TMEM178B: variants seen among roughly 807,000 people sequenced by gnomAD.
TMEM178B encodes the protein transmembrane protein 178B.
A neutral mutation model predicts 31.0 loss-of-function variants in TMEM178B; 5 were observed. That is an observed-to-expected ratio of 0.16 (90% confidence interval 0.08 to 0.34). The LOEUF (loss-of-function observed/expected upper bound fraction) is 0.34, where lower values mean the gene tolerates loss of function less well. TMEM178B is among the 10% of genes least tolerant of loss of function. TMEM178B has a pLI of 1.00. For missense variants in TMEM178B, 275 were observed against 400.3 expected (o/e 0.69, Z 2.67); for synonymous variants, 164 against 164.0 (o/e 1.00, Z 0.00).
intron 2 of TMEM178B, among the ~76,000 whole-genome samples, chr7:141,396,107 C>A (rs1280682556): frequency 1.3e-5 from 2 of 152,128 alleles, no homozygotes; most frequent in African/African-American, 4.8e-5. Context: ...CTCACCAGCT[C>A]TCTCAGAGAG....
intron 2 of TMEM178B, among the ~76,000 whole-genome samples, chr7:141,433,214 G>A (rs1232084888): frequency 6.6e-6 from 1 of 152,204 alleles, no homozygotes; most frequent in East Asian, 1.9e-4. Flanking sequence ...GAATCCCTCA[G>A]TGATATGCAG....
chr7:141,374,378 GCACA>G (rs148202767), intron 2 of TMEM178B, among the ~76,000 whole-genome samples: 1 of 150,514 alleles, frequency 6.6e-6, no homozygotes, highest in Non-Finnish European at 1.5e-5. Context: ...ACACACACAT[GCACA>G]CACACACACA....
intron 2 of TMEM178B, among the ~76,000 whole-genome samples, chr7:141,379,157 T>C (rs1800270062): frequency 6.6e-6 from 1 of 152,150 alleles, no homozygotes; most frequent in Admixed American, 6.5e-5. Context: ...CAGAGTGTTC[T>C]GGAGCCTTCT....
intron 1 of TMEM178B, among the ~76,000 whole-genome samples, chr7:141,152,152 C>A (rs1795985526): frequency 6.6e-6 from 1 of 152,182 alleles, no homozygotes; most frequent in Non-Finnish European, 1.5e-5. Flanking sequence ...AACTCCCAAG[C>A]CAGGAGACCA....
At chr7:141,085,134 C>A (rs1430809417) in intron 1 of TMEM178B, among the ~76,000 whole-genome samples, 2 of 149,452 alleles carry the variant, frequency 1.3e-5, no homozygotes, top group Non-Finnish European at 3.0e-5. Context: ...CCTGTCAGCA[C>A]TCTCGGCTAA....
chr7:141,235,123 G>A (rs998083819), intron 2 of TMEM178B, among the ~76,000 whole-genome samples: 6 of 152,178 alleles, frequency 3.9e-5, no homozygotes, highest in African/African-American at 9.7e-5. Context: ...CCTCTATGGC[G>A]AATGGGCTTC....
chr7:141,401,975 T>C (rs1411953097), intron 2 of TMEM178B, among the ~76,000 whole-genome samples: 1 of 152,190 alleles, frequency 6.6e-6, no homozygotes, highest in African/African-American at 2.4e-5. Context: ...CATCTCCAAA[T>C]CCTGCACGAT....
At chr7:141,298,247 G>T (rs946875468) in intron 2 of TMEM178B, among the ~76,000 whole-genome samples, 2 of 152,106 alleles carry the variant, frequency 1.3e-5, no homozygotes, top group Non-Finnish European at 2.9e-5. Context: ...TTTGTAGATT[G>T]TGGATATTAG....
chr7:141,090,997 C>T (rs1011388931), intron 1 of TMEM178B, among the ~76,000 whole-genome samples: 1 of 152,208 alleles, frequency 6.6e-6, no homozygotes, highest in Non-Finnish European at 1.5e-5. Context: ...AATTATTTTG[C>T]TTTTAGCAGA....
chr7:141,433,800 A>G (rs1237143640), intron 2 of TMEM178B, among the ~76,000 whole-genome samples: 1 of 152,218 alleles, frequency 6.6e-6, no homozygotes, highest in East Asian at 1.9e-4. Context: ...GAGTTACCAC[A>G]TAGGTCTAAG....
the TMEM178B span, among the ~76,000 whole-genome samples, chr7:141,506,933 C>A: frequency 1.7e-4 from 26 of 152,144 alleles, no homozygotes; most frequent in Non-Finnish European, 4.4e-5. Context: ...AGGGCCCATG[C>A]AAGTCTGAAA....
chr7:141,089,176 G>A (rs1222472199), intron 1 of TMEM178B, among the ~76,000 whole-genome samples: 2 of 152,212 alleles, frequency 1.3e-5, no homozygotes, highest in Non-Finnish European at 2.9e-5. Flanking sequence ...TGTATGTTTG[G>A]TGTGTCCAGA....
At chr7:141,241,993 T>C (rs1224143800) in intron 2 of TMEM178B, among the ~76,000 whole-genome samples, 1 of 152,228 alleles carries the variant, frequency 6.6e-6, no homozygotes, top group African/African-American at 2.4e-5. Flanking sequence ...AAATACTTGA[T>C]CTATAGTTTT....
rs71948091 is a variant in TMEM178B, at chr7:141,471,781, CGT to C, written c.*1031_*1032del. 7,055 of 142,400 alleles carry C rather than the reference CGT, an allele frequency of 0.05. 184 individuals carry two copies. Among genetic ancestry groups the C allele is most frequent in the East Asian group, 0.095 (442 of 4,632 alleles). The allele number at this position is 142,400 out of a possible 1,614,324, so 8.8% of individuals were successfully genotyped here. On this transcript the variant is annotated 3_prime_UTR_variant, in exon 4 of 4. Coordinates refer to ENST00000565468, the MANE Select transcript of TMEM178B (RefSeq NM_001195278.2). The surrounding 1 kb of genome is among the most constrained non-coding windows in gnomAD (Gnocchi z 4.1). ...AGATCCCTGGAGTGGTGTGTGTGTG[CGT>C]GTGTGTGTGTGTGTGTGTGTGTGTG...
intron 1 of TMEM178B, among the ~76,000 whole-genome samples, chr7:141,122,687 C>A (rs987382159): frequency 6.6e-6 from 1 of 152,158 alleles, no homozygotes; most frequent in African/African-American, 2.4e-5. Context: ...ATGGGAGGAA[C>A]CATAATATCA....
rs71170797 is a variant in TMEM178B, at chr7:141,432,146, C to CTTTTTTTTTTTTT, written c.497-5446_497-5434dup. On this transcript the variant is annotated intron_variant, in intron 2 of 3. Coordinates refer to ENST00000565468, the MANE Select transcript of TMEM178B (RefSeq NM_001195278.2). The stretch of plus-strand genomic sequence containing the variant: ...TTTCTTTTTCTCTCCTTCACTGCAT[C>CTTTTTTTTTTTTT]TTTTTTTTTTTTTTTTTTTTTTTTT... 2.7e-3 allele frequency among the ~76,000 whole-genome samples: 217 copies of CTTTTTTTTTTTTT among 79,076 alleles called. 9 individuals carry two copies. The highest frequency in any genetic ancestry group is 6.5e-3 in the African/African-American group (128 of 19,634). The allele number at this position is 79,076 out of a possible 152,430, so 51.9% of individuals were successfully genotyped here.
At chr7:141,207,253 A>G (rs969120160) in intron 1 of TMEM178B, among the ~76,000 whole-genome samples, 1 of 152,188 alleles carries the variant, frequency 6.6e-6, no homozygotes, top group Non-Finnish European at 1.5e-5. Context: ...TAATGCTGCA[A>G]TGAACATGGG....
At chr7:141,188,124 G>A (rs1277665333) in intron 1 of TMEM178B, among the ~76,000 whole-genome samples, 1 of 152,096 alleles carries the variant, frequency 6.6e-6, no homozygotes, top group Non-Finnish European at 1.5e-5. Context: ...TTTGTATAAG[G>A]TGTAAGCAAG....
intron 1 of TMEM178B, among the ~76,000 whole-genome samples, chr7:141,157,981 T>C (rs1010327730): frequency 6.6e-6 from 1 of 152,148 alleles, no homozygotes; most frequent in Non-Finnish European, 1.5e-5. Context: ...CTGCCCAAAT[T>C]GGGTTTTTCC....
Sources: gnomAD v4.1 joint callset for allele counts (sites outside exome capture counted in the v4.1 genomes callset) on GRCh38, gnomAD v4.1.1 for gene constraint, Gnocchi (gnomAD v3.1) non-coding constraint, MANE v1.5 for transcripts, NCBI Gene and HGNC (gene_info 2026-07-23, HGNC 2026-07-21) for gene names.